The following CAMK1D variants were observed in gnomAD, a reference collection of about 807,000 sequenced individuals.
CAMK1D encodes the protein calcium/calmodulin-dependent protein kinase type 1D.
Under a neutral mutation model 47.7 loss-of-function variants are expected in CAMK1D, and 9 were observed. The ratio of observed to expected loss-of-function variants is 0.19; its 90% CI spans 0.11 to 0.33. CAMK1D has a LOEUF of 0.33. Ranked by LOEUF, CAMK1D falls within the 10% of genes least tolerant of loss-of-function variation. The pLI is 1.00. For missense variants in CAMK1D, 291 were observed against 488.7 expected, an observed-to-expected ratio of 0.60 and a Z score of 3.81; for synonymous variants, 184 against 184.9, an observed-to-expected ratio of 0.99 and a Z score of 0.04.
chr10:12,720,898 C>T (rs373521488), intron 3 of CAMK1D, among the ~76,000 whole-genome samples: 2 of 152,168 alleles, frequency 1.3e-5, no homozygotes, highest in Non-Finnish European at 2.9e-5. Context: ...AAATGAACCA[C>T]GTGAGTCATT....
chr10:12,634,537 G>A (rs1839461962), intron 2 of CAMK1D, among the ~76,000 whole-genome samples: 1 of 152,120 alleles, frequency 6.6e-6, no homozygotes, highest in Admixed American at 6.5e-5. Context: ...TAGTGGTGTG[G>A]GGACTAAGGA....
intron 1 of CAMK1D, among the ~76,000 whole-genome samples, chr10:12,353,461 G>A (rs1588395573): frequency 1.3e-5 from 2 of 152,248 alleles, no homozygotes; most frequent in South Asian, 2.1e-4. Context: ...TCATGGAGCC[G>A]AGCATTTACT....
chr10:12,720,517 C>T (rs1442219198), intron 3 of CAMK1D, among the ~76,000 whole-genome samples: 2 of 152,224 alleles, frequency 1.3e-5, no homozygotes, highest in Non-Finnish European at 2.9e-5. Context: ...TCAACCCACT[C>T]ATTGCTTAAG....
rs77997918 is a variant in CAMK1D at position 12,628,584 on chromosome 10, A to G, written c.225-38152A>G. On this transcript the variant is annotated intron_variant, in intron 2 of 10. Transcript: ENST00000619168. ...AATTGATAAGCCAATATTGGTATTG[A>G]TGAGCGGTACATTTGCTATAATTGA... is the stretch of plus-strand genomic sequence containing the variant. Among the ~76,000 whole-genome samples, 3 of 152,310 alleles carry G rather than the reference A, an allele frequency of 2.0e-5. No homozygotes were observed. In the East Asian group the frequency reaches 5.8e-4, roughly 29 times the overall value.
At chr10:12,718,826 G>T (rs915685802) in intron 3 of CAMK1D, among the ~76,000 whole-genome samples, 6 of 151,858 alleles carry the variant, frequency 4.0e-5, no homozygotes, top group Non-Finnish European at 7.4e-5. Context: ...TTTCTACTGA[G>T]CACACCGTAC....
intron 2 of CAMK1D, among the ~76,000 whole-genome samples, chr10:12,628,337 T>G (rs1317368496): frequency 6.6e-6 from 1 of 152,206 alleles, no homozygotes; most frequent in African/African-American, 2.4e-5. Flanking sequence ...ATCCTTGGTG[T>G]TGTTGGTCTT....
At chr10:12,473,811 G>A (rs565058839) in intron 1 of CAMK1D, among the ~76,000 whole-genome samples, 1 of 152,166 alleles carries the variant, frequency 6.6e-6, no homozygotes, top group Non-Finnish European at 1.5e-5. Flanking sequence ...ATTTGTCAAG[G>A]TAATTCCTTA....
At chr10:12,774,484 A>G (rs375735437) in intron 5 of CAMK1D, among the ~76,000 whole-genome samples, 42 of 152,280 alleles carry the variant, frequency 2.8e-4, no homozygotes, top group African/African-American at 9.9e-4. Context: ...AGAAGTCCTG[A>G]GCAGGGGTAT....
intron 2 of CAMK1D, among the ~76,000 whole-genome samples, chr10:12,615,829 T>C (rs1456281219): frequency 6.7e-6 from 1 of 148,906 alleles, no homozygotes; most frequent in Non-Finnish European, 1.5e-5. Context: ...GGTATATGTG[T>C]GCGTTCGTGT....
At chr10:12,704,135 T>C (rs763393207) in intron 3 of CAMK1D, among the ~76,000 whole-genome samples, 1 of 152,222 alleles carries the variant, frequency 6.6e-6, no homozygotes, top group Non-Finnish European at 1.5e-5. Context: ...TAACTCTTAC[T>C]GCAGGTGTGT....
rs562054802 is a variant in CAMK1D at position 12,685,687 on chromosome 10, C to G, written c.299+18877C>G. ...ACCCTAGGCCTTCTCGCTGGTGATT[C>G]ACTGTCTCCCTGTTCTCAATCATCC... On this transcript the variant is annotated intron_variant, in intron 3 of 10. Coordinates refer to ENST00000619168, the MANE Select transcript of CAMK1D (RefSeq NM_153498.4). 9.4e-4 allele frequency among the ~76,000 whole-genome samples: 143 copies of G among 152,284 alleles called. 1 individual carries two copies. The highest frequency in any genetic ancestry group is 3.3e-3 in the African/African-American group (139 of 41,562).
At chr10:12,641,441 A>G (rs76056930) in intron 2 of CAMK1D, among the ~76,000 whole-genome samples, 43,046 of 151,826 alleles carry the variant, frequency 0.28, 6,417 homozygotes, top group African/African-American at 0.29. Context: ...GGGCAACATA[A>G]TGGGACCCCA....
At chr10:12,413,504 G>A (rs371396325) in intron 1 of CAMK1D, among the ~76,000 whole-genome samples, 5 of 190 alleles carry the variant, frequency 0.026, no homozygotes, top group African/African-American at 0.054. Flanking sequence ...GATGATGACA[G>A]TGGTGATGAT....
intron 2 of CAMK1D, among the ~76,000 whole-genome samples, chr10:12,601,763 C>T (rs1838311157): frequency 6.6e-6 from 1 of 152,212 alleles, no homozygotes; most frequent in Non-Finnish European, 1.5e-5. Flanking sequence ...TGCCCAGCCT[C>T]AGTTCATTTC....
intron 1 of CAMK1D, among the ~76,000 whole-genome samples, chr10:12,463,305 T>C (rs977849677): frequency 3.3e-5 from 5 of 151,994 alleles, no homozygotes; most frequent in Admixed American, 6.6e-5. Flanking sequence ...ACCTGGCTAA[T>C]TTTTGTATTT....
At chr10:12,526,755 T>TA (rs1835634309) in intron 1 of CAMK1D, among the ~76,000 whole-genome samples, 1 of 151,836 alleles carries the variant, frequency 6.6e-6, no homozygotes, top group African/African-American at 2.4e-5. Flanking sequence ...CCATCTTTAC[T>TA]AAAAATACAA....
At chr10:12,768,465 G>C (rs1836882952) in intron 4 of CAMK1D, among the ~76,000 whole-genome samples, 1 of 152,190 alleles carries the variant, frequency 6.6e-6, no homozygotes, top group Admixed American at 6.5e-5. Context: ...CGGGGGAGGA[G>C]AGCTGGATGG....
chr10:12,794,847 C>G (rs1012641619), intron 6 of CAMK1D, among the ~76,000 whole-genome samples: 1 of 152,180 alleles, frequency 6.6e-6, no homozygotes, highest in African/African-American at 2.4e-5. Flanking sequence ...GACCATATAA[C>G]ACGACTGCAC....
intron 2 of CAMK1D, among the ~76,000 whole-genome samples, chr10:12,603,113 G>A (rs1838354042): frequency 6.6e-6 from 1 of 152,006 alleles, no homozygotes; most frequent in South Asian, 2.1e-4. Flanking sequence ...GTTTCGCCAT[G>A]TTGGCCAGGC....
Sources: gnomAD v4.1 joint callset for allele counts (sites outside exome capture counted in the v4.1 genomes callset) on GRCh38, gnomAD v4.1.1 for gene constraint, MANE v1.5 for transcripts, NCBI Gene and HGNC (gene_info 2026-07-23, HGNC 2026-07-21) for gene names.